Variants in TCF7L1 observed in about 807,000 individuals in gnomAD.
The protein encoded by TCF7L1 is transcription factor 7 like 1.
Under a neutral mutation model 63.7 loss-of-function variants are expected in TCF7L1, and 18 were observed. The ratio of observed to expected loss-of-function variants is 0.28; its 90% CI spans 0.20 to 0.42. The LOEUF is 0.42. Among genes scored for constraint, TCF7L1 ranks in the 10% least tolerant of loss-of-function variants. TCF7L1 has a pLI of 1.00. For synonymous variants in TCF7L1, 355 were observed against 340.9 expected, an observed-to-expected ratio of 1.04 and a Z score of -0.46; for missense variants, 654 against 779.3, an observed-to-expected ratio of 0.84 and a Z score of 1.91.
At chr2:85,203,124 C>T (rs1679315124) in intron 3 of TCF7L1, among the ~76,000 whole-genome samples, 2 of 152,178 alleles carry the variant, frequency 1.3e-5, no homozygotes, top group South Asian at 4.1e-4. Flanking sequence ...CATGAGCCAC[C>T]GCGCCCGCCC....
intron 3 of TCF7L1, among the ~76,000 whole-genome samples, chr2:85,234,139 T>C (rs1680146487): frequency 2.1e-5 from 3 of 139,542 alleles, no homozygotes. Flanking sequence ...TTCTTTTTTT[T>C]TTTTTTTTTT....
chr2:85,209,616 G>A (rs1334770037), intron 3 of TCF7L1, among the ~76,000 whole-genome samples: 4 of 152,278 alleles, frequency 2.6e-5, no homozygotes, highest in Non-Finnish European at 5.9e-5. Context: ...GTGGTCCACA[G>A]ACCCCTGCTT....
chr2:85,153,777 C>T (rs764881031), intron 3 of TCF7L1, among the ~76,000 whole-genome samples: 2 of 152,132 alleles, frequency 1.3e-5, no homozygotes, highest in Non-Finnish European at 1.5e-5. Context: ...TGATCATTGT[C>T]GCTAACACCA....
intron 4 of TCF7L1, among the ~76,000 whole-genome samples, chr2:85,301,123 A>C (rs1003582925): frequency 6.6e-6 from 1 of 152,108 alleles, no homozygotes; most frequent in Non-Finnish European, 1.5e-5. Flanking sequence ...CTTGTAACTC[A>C]CTTATCTTAT....
In TCF7L1 at chr2:85,201,975, A is replaced by T. The variant is rs1043946635; in HGVS notation, c.441+67525A>T. 1.1e-4 allele frequency among the ~76,000 whole-genome samples: 16 copies of T among 147,310 alleles called. No individual in the cohort carries two copies. The South Asian group carries it at 3.0e-3, about 28-fold the overall frequency. On this transcript the variant is annotated intron_variant, in intron 3 of 11. Transcript: ENST00000282111. ...TTTATTTATTTATTTATTTTATTTTATTTTTTTGAGATGGAGTCTCACTGT... is the reference window on the plus strand; with the variant it reads ...TTTATTTATTTATTTATTTTATTTTTTTTTTTTGAGATGGAGTCTCACTGT...
intron 3 of TCF7L1, among the ~76,000 whole-genome samples, chr2:85,146,567 TCTCGGCTCA>T (rs993264819): frequency 6.8e-6 from 1 of 147,050 alleles, no homozygotes. Context: ...AATGGCACGA[TCTCGGCTCA>T]CTGCAACCTC....
intron 3 of TCF7L1, among the ~76,000 whole-genome samples, chr2:85,142,433 TGTGTGTG>T (rs1220804801): frequency 1.4e-4 from 1 of 7,398 alleles, no homozygotes; most frequent in African/African-American, 1.6e-4. Context: ...AAAAAAAAAA[TGTGTGTG>T]TGTGTGTGTG....
chr2:85,138,170 C>T (rs1023667626), intron 3 of TCF7L1, among the ~76,000 whole-genome samples: 3 of 152,154 alleles, frequency 2.0e-5, no homozygotes, highest in Admixed American at 2.0e-4. Flanking sequence ...CACAAGCACA[C>T]GAAAGGCTTT....
intron 3 of TCF7L1, among the ~76,000 whole-genome samples, chr2:85,215,768 G>C (rs980617979): frequency 2.4e-5 from 3 of 122,580 alleles, no homozygotes; most frequent in Admixed American, 7.9e-5. Context: ...GGGTGGGGGT[G>C]GGGGGGGGTG....
intron 3 of TCF7L1, among the ~76,000 whole-genome samples, chr2:85,281,020 CTTTTT>C (rs56111730): frequency 4.2e-4 from 44 of 105,598 alleles, no homozygotes; most frequent in Non-Finnish European, 4.2e-4. Context: ...CCATTAGCTC[CTTTTT>C]TTTTTTTTTT....
intron 3 of TCF7L1, among the ~76,000 whole-genome samples, chr2:85,183,236 T>G (rs553592045): frequency 1.3e-5 from 2 of 151,832 alleles, no homozygotes; most frequent in Admixed American, 6.6e-5. Context: ...CAGCCAAGAG[T>G]GTCACTGACT....
intron 3 of TCF7L1, among the ~76,000 whole-genome samples, chr2:85,160,482 C>A (rs1308562996): frequency 6.6e-6 from 1 of 152,160 alleles, no homozygotes; most frequent in Non-Finnish European, 1.5e-5. Context: ...ACCTCAGCCT[C>A]CCAAAGTGCC....
At chr2:85,184,318 G>A (rs1231943603) in intron 3 of TCF7L1, among the ~76,000 whole-genome samples, 7 of 152,116 alleles carry the variant, frequency 4.6e-5, no homozygotes, top group African/African-American at 1.7e-4. Context: ...GAAGAAAGGC[G>A]GAACCAGGCC....
At chr2:85,198,942 A>G (rs1440611853) in intron 3 of TCF7L1, among the ~76,000 whole-genome samples, 1 of 152,234 alleles carries the variant, frequency 6.6e-6, no homozygotes, top group Non-Finnish European at 1.5e-5. Context: ...AGAGATAAGT[A>G]GGTGATGTAA....
chr2:85,270,388 C>T (rs372868559), intron 3 of TCF7L1, among the ~76,000 whole-genome samples: 3 of 152,186 alleles, frequency 2.0e-5, no homozygotes, highest in African/African-American at 7.2e-5. Context: ...AGCTGAGTTC[C>T]GCTTTGTGCC....
rs187424627 is a variant in TCF7L1, at chr2:85,155,893, G to T, written c.441+21443G>T. ...GAGGGGGGAAATCAGATGCCCCTTT[G>T]TACACTAATTAACGCAGGCAGAACA... On this transcript the variant is annotated intron_variant, in intron 3 of 11. Coordinates refer to ENST00000282111, the MANE Select transcript of TCF7L1 (RefSeq NM_031283.3). 5.9e-5 allele frequency among the ~76,000 whole-genome samples: 9 copies of T among 152,224 alleles called. No individual in the cohort carries two copies. The South Asian group carries it at 6.2e-4, about 11-fold the overall frequency.
intron 3 of TCF7L1, among the ~76,000 whole-genome samples, chr2:85,260,302 A>G (rs745784310): frequency 5.3e-5 from 8 of 152,174 alleles, no homozygotes; most frequent in Non-Finnish European, 1.2e-4. Flanking sequence ...GAATTTAAGC[A>G]AAAGAAGAAA....
At chr2:85,281,222 A>C (rs977086623) in intron 3 of TCF7L1, among the ~76,000 whole-genome samples, 1 of 151,998 alleles carries the variant, frequency 6.6e-6, no homozygotes, top group Admixed American at 6.6e-5. Flanking sequence ...ACGGGGTTTC[A>C]CCATGTTGGC....
At chr2:85,218,851 G>A (rs1679774670) in intron 3 of TCF7L1, among the ~76,000 whole-genome samples, 1 of 152,098 alleles carries the variant, frequency 6.6e-6, no homozygotes, top group Admixed American at 6.6e-5. Flanking sequence ...ACTCTGTGAT[G>A]GACGGGCATA....
Sources: gnomAD v4.1 joint callset for allele counts (sites outside exome capture counted in the v4.1 genomes callset) on GRCh38, gnomAD v4.1.1 for gene constraint, MANE v1.5 for transcripts, NCBI Gene and HGNC (gene_info 2026-07-23, HGNC 2026-07-21) for gene names.